The following CDCP1 variants were observed in gnomAD, a reference collection of about 807,000 sequenced individuals.
CDCP1 encodes the protein CUB domain-containing protein 1.
A neutral mutation model predicts 60.2 loss-of-function variants in CDCP1; 29 were observed. The observed-to-expected ratio is 0.48, with a 90% confidence interval of 0.36 to 0.66. CDCP1 has a LOEUF of 0.66. Ranked by LOEUF, CDCP1 falls within the 30% of genes least tolerant of loss-of-function variation. CDCP1 has a pLI of 0.00. For missense variants in CDCP1, 876 were observed against 1,074.3 expected (o/e 0.82, Z 2.58); for synonymous variants, 387 against 431.1 (o/e 0.90, Z 1.27).
chr3:45,122,269 G>A (rs1171548318), intron 1 of CDCP1, among the ~76,000 whole-genome samples: 2 of 150,416 alleles, frequency 1.3e-5, no homozygotes, highest in African/African-American at 2.5e-5. Context: ...TCAGCCTCCC[G>A]AGTAGCTGGG....
chr3:45,126,100 G>GTC (rs111756057), intron 1 of CDCP1, among the ~76,000 whole-genome samples: 7 of 112,938 alleles, frequency 6.2e-5, no homozygotes, highest in South Asian at 5.8e-4. Context: ...GCCATTCTTT[G>GTC]TCTCTCTCTC....
At chr3:45,089,742 T>C (rs1440638681) in intron 7 of CDCP1, among the ~76,000 whole-genome samples, 2 of 152,130 alleles carry the variant, frequency 1.3e-5, no homozygotes, top group East Asian at 3.9e-4. Context: ...TGAAACAAAC[T>C]GAGGGACCTA....
chr3:45,144,438 G>A (rs1241640911), intron 1 of CDCP1, among the ~76,000 whole-genome samples: 2 of 152,134 alleles, frequency 1.3e-5, no homozygotes, highest in African/African-American at 4.8e-5. Context: ...AGACCATAGG[G>A]AGGAACTTAA....
rs1698163778 is a variant in CDCP1 at position 45,084,915 on chromosome 3, T to C, written c.*723A>G. The C allele has an allele frequency of 6.6e-6, 1 of 152,638 alleles. No individual in the cohort carries two copies. The highest frequency in any genetic ancestry group is 6.5e-5 in the Admixed American group (1 of 15,286). 9.5% of individuals were successfully genotyped at this position (152,638 alleles called of 1,614,324 possible). A position where few individuals can be genotyped will look rare whatever the true frequency, so the allele number is the denominator to read the frequency against. ...GACTATAGGACAATGGGATTCAAGA[T>C]GAATTTCCACAATGGGATAACCACG... On this transcript the variant is annotated 3_prime_UTR_variant, in exon 9 of 9. Coordinates refer to ENST00000296129, the MANE Select transcript of CDCP1 (RefSeq NM_022842.5).
intron 1 of CDCP1, among the ~76,000 whole-genome samples, chr3:45,144,361 C>T (rs1699345111): frequency 6.6e-6 from 1 of 152,220 alleles, no homozygotes; most frequent in Non-Finnish European, 1.5e-5. Flanking sequence ...CTCAAGACTA[C>T]AGGCAACTAC....
At chr3:45,128,400 G>A (rs1334929672) in intron 1 of CDCP1, among the ~76,000 whole-genome samples, 1 of 152,186 alleles carries the variant, frequency 6.6e-6, no homozygotes, top group African/African-American at 2.4e-5. Context: ...GAACAAGGCC[G>A]GGCTCCAACT....
chr3:45,097,256 G>A (rs991813214), intron 4 of CDCP1, among the ~76,000 whole-genome samples: 17 of 150,822 alleles, frequency 1.1e-4, no homozygotes, highest in African/African-American at 3.9e-4. Context: ...GCAGTGAGCC[G>A]AGATCCCGCT....
chr3:45,094,231 AT>A (rs35794432), intron 5 of CDCP1, among the ~76,000 whole-genome samples: 115,009 of 149,326 alleles, frequency 0.77, 45,188 homozygotes, highest in East Asian at 0.98. Flanking sequence ...GTCATCAAAC[AT>A]TTTTTTTTTT....
intron 5 of CDCP1, 44 bp from the exon 6 acceptor site, chr3:45,093,701 A>G: frequency 1.3e-6 from 2 of 1,564,672 alleles, no homozygotes; most frequent in Non-Finnish European, 8.7e-7. Context: ...AGGAGACCAG[A>G]AGTGCACCCT....
intron 1 of CDCP1, among the ~76,000 whole-genome samples, chr3:45,124,884 C>T (rs1698950737): frequency 6.6e-6 from 1 of 152,202 alleles, no homozygotes; most frequent in Non-Finnish European, 1.5e-5. Context: ...TGATTTCTCC[C>T]AACCTTTATT....
At chr3:45,140,944 T>C (rs149615340) in intron 1 of CDCP1, among the ~76,000 whole-genome samples, 5 of 152,332 alleles carry the variant, frequency 3.3e-5, no homozygotes, top group African/African-American at 9.6e-5. Flanking sequence ...CTCACGCCTA[T>C]AATTCCAGCA....
At chr3:45,145,465 A>C (rs1170960406) in intron 1 of CDCP1, among the ~76,000 whole-genome samples, 1 of 152,186 alleles carries the variant, frequency 6.6e-6, no homozygotes, top group Non-Finnish European at 1.5e-5. Flanking sequence ...CCCCAACCGA[A>C]ACAACTCGAA....
At chr3:45,103,826 AT>A (rs1425701939) in intron 4 of CDCP1, among the ~76,000 whole-genome samples, 1 of 152,232 alleles carries the variant, frequency 6.6e-6, no homozygotes, top group Non-Finnish European at 1.5e-5. Flanking sequence ...TGCTGGTGCC[AT>A]GCTTCTTGGA....
At chr3:45,133,717 CAAAAAA>C (rs1215278385) in intron 1 of CDCP1, among the ~76,000 whole-genome samples, 1 of 50,272 alleles carries the variant, frequency 2.0e-5, no homozygotes, top group African/African-American at 1.4e-4. Context: ...GACTCCGTCT[CAAAAAA>C]AAAAAAAAAA....
intron 6 of CDCP1, among the ~76,000 whole-genome samples, chr3:45,092,526 T>C (rs1208805942): frequency 6.6e-6 from 1 of 152,138 alleles, no homozygotes; most frequent in Non-Finnish European, 1.5e-5. Flanking sequence ...CTGGTAACCT[T>C]GGAGATATCA....
intron 1 of CDCP1, among the ~76,000 whole-genome samples, chr3:45,122,144 A>T (rs370696040): frequency 1.7e-4 from 24 of 138,318 alleles, no homozygotes; most frequent in Admixed American, 5.8e-4. Flanking sequence ...TATAATCTGT[A>T]TTTTTTTTTT....
intron 1 of CDCP1, among the ~76,000 whole-genome samples, chr3:45,127,157 A>G (rs1699014756): frequency 6.6e-6 from 1 of 152,274 alleles, no homozygotes; most frequent in Non-Finnish European, 1.5e-5. Flanking sequence ...CAACAAGCAC[A>G]CTGTATTACT....
intron 1 of CDCP1, among the ~76,000 whole-genome samples, chr3:45,132,506 A>C (rs1358618992): frequency 1.3e-5 from 2 of 152,130 alleles, no homozygotes; most frequent in Non-Finnish European, 2.9e-5. Context: ...GGAGGAACAA[A>C]AGGCAGCAGG....
At position 45,131,316 on chromosome 3, in the gene CDCP1, T is replaced by G. The variant is rs190055543; in HGVS notation, c.83-12695A>C. Among the ~76,000 whole-genome samples, 1,343 of 152,320 alleles carry G rather than the reference T, an allele frequency of 8.8e-3. 9 individuals carry two copies. The highest frequency in any genetic ancestry group is 0.014 in the Non-Finnish European group (944 of 68,022). ...TAGTAAAATATGCATACACAAACTT[T>G]ATCATTTTAACCGTTTTAAAGTGTG... On this transcript the variant is annotated intron_variant, in intron 1 of 8. Coordinates refer to ENST00000296129, the MANE Select transcript of CDCP1 (RefSeq NM_022842.5).
Sources: allele counts gnomAD v4.1 joint callset (sites outside exome capture counted in the v4.1 genomes callset), GRCh38; gene constraint gnomAD v4.1.1; transcripts MANE v1.5; gene names NCBI Gene and HGNC (gene_info 2026-07-23, HGNC 2026-07-21).